LRP1B: variants seen among roughly 807,000 people sequenced by gnomAD.
LRP1B encodes the protein low-density lipoprotein receptor-related protein 1B.
A neutral mutation model predicts 556.6 loss-of-function variants in LRP1B; 217 were observed. The ratio of observed to expected loss-of-function variants is 0.39; its 90% CI spans 0.35 to 0.44. The LOEUF is 0.44. Ranked by LOEUF, LRP1B falls within the 20% of genes least tolerant of loss-of-function variation. LRP1B has a pLI of 1.00. For missense variants in LRP1B, 5,053 were observed against 5,620.8 expected, an observed-to-expected ratio of 0.90 and a Z score of 3.23; for synonymous variants, 2,047 against 1,865.8, an observed-to-expected ratio of 1.10 and a Z score of -2.50.
chr2:141,186,677 G>A (rs1681273534), intron 7 of LRP1B, among the ~76,000 whole-genome samples: 1 of 152,052 alleles, frequency 6.6e-6, no homozygotes, highest in African/African-American at 2.4e-5. Context: ...AGGCTTGAAG[G>A]AATCCAGCAG....
At chr2:141,453,577 G>A (rs911504417) in intron 3 of LRP1B, among the ~76,000 whole-genome samples, 2 of 152,064 alleles carry the variant, frequency 1.3e-5, no homozygotes, top group Non-Finnish European at 2.9e-5. Flanking sequence ...ATGTTATACC[G>A]TCTTATGAAA....
chr2:141,867,864 T>A (rs937497742), intron 1 of LRP1B, among the ~76,000 whole-genome samples: 2 of 152,104 alleles, frequency 1.3e-5, no homozygotes, highest in African/African-American at 4.8e-5. Flanking sequence ...GGGGAATAAG[T>A]TATACAAATT....
In LRP1B at chr2:141,171,261, A is replaced by G. The variant is rs535207193; in HGVS notation, c.1013+17160T>C. 1.3e-4 allele frequency among the ~76,000 whole-genome samples: 20 copies of G among 152,244 alleles called. 1 individual carries two copies. In the South Asian group the frequency reaches 3.9e-3, roughly 30 times the overall value. On this transcript the variant is annotated intron_variant, in intron 7 of 90. Coordinates refer to ENST00000389484, the MANE Select transcript of LRP1B (RefSeq NM_018557.3). ...GTTCTGTGGGTTTTGATAAATGCAT[A>G]GGACATGTACACATCATTGCAGTAT...
At chr2:140,371,436 C>G (rs1682989805) in intron 69 of LRP1B, 151 bp from the exon 70 acceptor site, 1 of 370,016 alleles carries the variant, frequency 2.7e-6, no homozygotes, top group East Asian at 4.4e-5. Context: ...ATTACAGATT[C>G]ATTTAAATTA....
chr2:140,885,019 A>C (rs1036846671), intron 24 of LRP1B, among the ~76,000 whole-genome samples: 34 of 152,148 alleles, frequency 2.2e-4, no homozygotes, highest in African/African-American at 8.0e-4. Flanking sequence ...GCCAGCCAAA[A>C]CTTTCATTTT....
intron 32 of LRP1B, among the ~76,000 whole-genome samples, chr2:140,805,383 A>G (rs968097039): frequency 1.3e-5 from 2 of 152,178 alleles, no homozygotes; most frequent in Non-Finnish European, 2.9e-5. Context: ...CTTTCAGTTC[A>G]TAGTGAGGAT....
chr2:140,747,614 G>C (rs1398379302), intron 35 of LRP1B, among the ~76,000 whole-genome samples: 1 of 151,996 alleles, frequency 6.6e-6, no homozygotes, highest in Non-Finnish European at 1.5e-5. Context: ...GGGAGTTATC[G>C]GTGTAGTCAT....
At chr2:140,245,544 C>G (rs1681114803) in intron 87 of LRP1B, among the ~76,000 whole-genome samples, 1 of 151,268 alleles carries the variant, frequency 6.6e-6, no homozygotes, top group Non-Finnish European at 1.5e-5. Flanking sequence ...CTTTTTAATT[C>G]CTAATTTATA....
At chr2:141,787,648 C>T (rs184586083) in intron 2 of LRP1B, among the ~76,000 whole-genome samples, 1 of 151,770 alleles carries the variant, frequency 6.6e-6, no homozygotes, top group East Asian at 1.9e-4. Flanking sequence ...TTTTCTAACT[C>T]TTGATTTACT....
intron 21 of LRP1B, among the ~76,000 whole-genome samples, chr2:140,913,204 T>C (rs555996574): frequency 5.5e-4 from 84 of 152,046 alleles, no homozygotes; most frequent in African/African-American, 2.0e-3. Flanking sequence ...CAATTCAATT[T>C]GACAAATGTT....
intron 32 of LRP1B, among the ~76,000 whole-genome samples, chr2:140,794,478 AACACACACAC>A (rs6146938): frequency 0.014 from 2,028 of 149,970 alleles, 19 homozygotes; most frequent in African/African-American, 0.026. Flanking sequence ...AGCTATTTAA[AACACACACAC>A]ACACACACAC....
At chr2:140,910,023 G>A (rs1694369903) in intron 21 of LRP1B, among the ~76,000 whole-genome samples, 1 of 149,270 alleles carries the variant, frequency 6.7e-6, no homozygotes, top group Admixed American at 6.7e-5. Context: ...TTTCAAAATA[G>A]TAACATCAAT....
At chr2:140,976,674 A>C (rs1696612580) in intron 18 of LRP1B, among the ~76,000 whole-genome samples, 1 of 150,610 alleles carries the variant, frequency 6.6e-6, no homozygotes, top group South Asian at 2.1e-4. Flanking sequence ...CGCCCCACTA[A>C]TTTTTTTGCT....
At chr2:141,151,935 C>T (rs1207738746) in intron 7 of LRP1B, among the ~76,000 whole-genome samples, 1 of 151,842 alleles carries the variant, frequency 6.6e-6, no homozygotes, top group African/African-American at 2.4e-5. Flanking sequence ...AATACTGACA[C>T]AAATATAAGA....
intron 55 of LRP1B, among the ~76,000 whole-genome samples, chr2:140,498,679 C>T (rs992191322): frequency 1.3e-5 from 2 of 151,802 alleles, no homozygotes; most frequent in Non-Finnish European, 2.9e-5. Context: ...AATCTATCAG[C>T]TCACGTAATT....
chr2:142,078,212 C>A (rs1455086440), intron 1 of LRP1B, among the ~76,000 whole-genome samples: 2 of 152,054 alleles, frequency 1.3e-5, no homozygotes, highest in East Asian at 1.9e-4. Flanking sequence ...ATTTTCTCAA[C>A]CTCCTCTGTT....
At position 141,967,360 on chromosome 2, in the gene LRP1B, G is replaced by C. The variant is rs142944916; in HGVS notation, c.83-156959C>G. Among the ~76,000 whole-genome samples the C allele has an allele frequency of 2.7e-3, 412 of 151,906 alleles. 1 individual carries two copies. Among genetic ancestry groups the C allele is most frequent in the African/African-American group, 9.2e-3 (381 of 41,500 alleles). On this transcript the variant is annotated intron_variant, in intron 1 of 90. Coordinates refer to ENST00000389484, the MANE Select transcript of LRP1B (RefSeq NM_018557.3). ...TAATGACATGGATTAATGGAGAGAG[G>C]TATCTGAAAATAAAAATATCACTGG...
chr2:141,443,909 C>T (rs933253959), intron 3 of LRP1B, among the ~76,000 whole-genome samples: 2 of 152,092 alleles, frequency 1.3e-5, no homozygotes, highest in African/African-American at 4.8e-5. Context: ...CTTGGATATA[C>T]AGGCTCTTTT....
rs796671702 is a variant in LRP1B at position 141,774,888 on chromosome 2, T to C, written c.205+35391A>G. 4.6e-5 allele frequency among the ~76,000 whole-genome samples: 7 copies of C among 152,318 alleles called. No homozygotes were observed. In the South Asian group the frequency reaches 1.0e-3, roughly 23 times the overall value. On this transcript the variant is annotated intron_variant, in intron 2 of 90. Transcript: ENST00000389484. ...TTAGCTGCAGCCATGGCGACTCAAG[T>C]ACATTGATTCTCTTCCATTCTCTTT...
Sources: allele counts gnomAD v4.1 joint callset (sites outside exome capture counted in the v4.1 genomes callset), GRCh38; gene constraint gnomAD v4.1.1; transcripts MANE v1.5; gene names NCBI Gene and HGNC (gene_info 2026-07-23, HGNC 2026-07-21).